Variants in SPARCL1 observed in about 807,000 individuals in gnomAD.
SPARCL1 encodes the protein SPARC like 1, also known as SPARC-like protein 1.
Under a neutral mutation model 67.1 loss-of-function variants are expected in SPARCL1, and 52 were observed. The observed-to-expected ratio is 0.78, with a 90% confidence interval of 0.62 to 0.98. SPARCL1 has a LOEUF of 0.98. SPARCL1 is among the 50% of genes least tolerant of loss of function. The probability of loss-of-function intolerance (pLI) is 0.00; values close to 1 mark genes in which losing one functional copy is unlikely to be tolerated. For missense variants in SPARCL1, 717 were observed against 782.4 expected (o/e 0.92, Z 1.00); for synonymous variants, 226 against 267.8 (o/e 0.84, Z 1.52).
chr4:87,477,786 T>C (rs975646935), intron 10 of SPARCL1, among the ~76,000 whole-genome samples: 8 of 152,194 alleles, frequency 5.3e-5, no homozygotes, highest in Admixed American at 1.3e-4. Flanking sequence ...TCCAGGTTAG[T>C]TACTGTGAGA....
intron 3 of SPARCL1, 144 bp downstream of exon 3, chr4:87,494,837 G>T: frequency 1.3e-6 from 1 of 778,054 alleles, no homozygotes; most frequent in Non-Finnish European, 2.0e-6. Context: ...CATTCTTCTA[G>T]TGATTGGAGG....
chr4:87,490,483 C>G, intron 6 of SPARCL1, 90 bp from the exon 7 acceptor site: 1 of 1,429,350 alleles, frequency 7.0e-7, no homozygotes, highest in Non-Finnish European at 9.4e-7. Context: ...CTGATAACAG[C>G]GCTGTGCCAA....
At chr4:87,499,026 C>T (rs1724737298) in intron 2 of SPARCL1, among the ~76,000 whole-genome samples, 1 of 152,146 alleles carries the variant, frequency 6.6e-6, no homozygotes, top group East Asian at 1.9e-4. Context: ...AGGTGCCCGC[C>T]ACCATGCCCG....
intron 2 of SPARCL1, among the ~76,000 whole-genome samples, chr4:87,498,067 C>G (rs1362794407): frequency 6.6e-6 from 1 of 152,134 alleles, no homozygotes; most frequent in Admixed American, 6.6e-5. Flanking sequence ...CCCAAAGACA[C>G]TTTTTAATGT....
chr4:87,511,432 T>C lies in SPARCL1; in HGVS notation c.-11-11847A>G, dbSNP rs1408665866. 3.3e-5 allele frequency among the ~76,000 whole-genome samples: 5 copies of C among 152,122 alleles called. No individual in the cohort carries two copies. The East Asian group carries it at 7.7e-4, about 23-fold the overall frequency. ...GGCTTGTTGAATTTGAGTAGAGATA[T>C]CTAGTAGATACTTGGGTAGATAGGT... On this transcript the variant is annotated intron_variant, in intron 1 of 10. Transcript: ENST00000282470.
chr4:87,480,632 C>G (rs932995814), intron 8 of SPARCL1, 112 bp from the exon 9 acceptor site: 1 of 944,164 alleles, frequency 1.1e-6, no homozygotes, highest in African/African-American at 1.7e-5. Context: ...GGAAAACAAG[C>G]TCAGGACATC....
rs1413098751 is a variant in SPARCL1 at position 87,473,663 on chromosome 4, A to T, written c.*112T>A. ...GCAATTACTCTCATTGTCTTGTCAT[A>T]CATGCTAACATTTTGCTAAATATAA... On this transcript the variant is annotated 3_prime_UTR_variant, in exon 11 of 11. Coordinates refer to ENST00000282470, the MANE Select transcript of SPARCL1 (RefSeq NM_004684.6). 1.4e-5 allele frequency: 10 copies of T among 711,988 alleles called. No individual in the cohort carries two copies. Among genetic ancestry groups the T allele is most frequent in the Non-Finnish European group, 2.4e-5 (10 of 424,298 alleles). The allele number at this position is 711,988 out of a possible 1,614,324, so 44.1% of individuals were successfully genotyped here.
intron 1 of SPARCL1, among the ~76,000 whole-genome samples, chr4:87,512,146 T>C (rs762697464): frequency 1.3e-5 from 2 of 151,952 alleles, no homozygotes; most frequent in Admixed American, 6.6e-5. Flanking sequence ...TTTGTATTTT[T>C]AGTAGAGATG....
chr4:87,512,524 A>G (rs749290984), intron 1 of SPARCL1, among the ~76,000 whole-genome samples: 12 of 152,216 alleles, frequency 7.9e-5, no homozygotes, highest in Middle Eastern at 3.4e-3. Flanking sequence ...GCTATCAGCC[A>G]TGCTGTACAA....
intron 1 of SPARCL1, among the ~76,000 whole-genome samples, chr4:87,519,428 T>C (rs1725715303): frequency 6.6e-6 from 1 of 152,210 alleles, no homozygotes; most frequent in Admixed American, 6.5e-5. Flanking sequence ...TCAAATAATG[T>C]AAAAATGCTT....
intron 1 of SPARCL1, among the ~76,000 whole-genome samples, chr4:87,515,112 T>C (rs374782784): frequency 5.9e-5 from 9 of 152,344 alleles, no homozygotes; most frequent in African/African-American, 2.2e-4. Flanking sequence ...ATATGCAGTA[T>C]TGATGTGAAA....
intron 1 of SPARCL1, among the ~76,000 whole-genome samples, chr4:87,509,654 G>A (rs77662423): frequency 6.6e-6 from 1 of 152,188 alleles, no homozygotes; most frequent in African/African-American, 2.4e-5. Context: ...GGGGAAGTGG[G>A]CTGGGGTAGA....
At chr4:87,517,657 C>G (rs1725638031) in intron 1 of SPARCL1, among the ~76,000 whole-genome samples, 1 of 152,168 alleles carries the variant, frequency 6.6e-6, no homozygotes, top group African/African-American at 2.4e-5. Flanking sequence ...ATTAGTTAAA[C>G]TCTACCAGTA....
intron 2 of SPARCL1, among the ~76,000 whole-genome samples, chr4:87,498,755 C>T (rs1024129396): frequency 6.6e-6 from 1 of 152,176 alleles, no homozygotes; most frequent in African/African-American, 2.4e-5. Flanking sequence ...TTTATGATTA[C>T]CATATCGTTT....
intron 1 of SPARCL1, among the ~76,000 whole-genome samples, chr4:87,503,400 G>C (rs1243425314): frequency 2.0e-5 from 3 of 152,112 alleles, no homozygotes; most frequent in Non-Finnish European, 4.4e-5. Context: ...ATCTTCTAAA[G>C]ATGTGTTGAC....
intron 1 of SPARCL1, among the ~76,000 whole-genome samples, chr4:87,508,889 G>GTATATATATATATATATATATATATATA (rs142792848): frequency 7.2e-6 from 1 of 138,360 alleles, no homozygotes; most frequent in African/African-American, 2.7e-5. Context: ...ATGTATATAA[G>GTATATATATATATATATATATATATATA]TATATATATA....
chr4:87,496,859 C>T (rs1578103972), intron 2 of SPARCL1, among the ~76,000 whole-genome samples: 1 of 152,068 alleles, frequency 6.6e-6, no homozygotes, highest in East Asian at 1.9e-4. Context: ...TCATGGAGTA[C>T]AGGATTTATT....
chr4:87,489,446 T>G (rs1331602029), intron 7 of SPARCL1, among the ~76,000 whole-genome samples: 1 of 152,170 alleles, frequency 6.6e-6, no homozygotes, highest in African/African-American at 2.4e-5. Flanking sequence ...CCCAATGAGC[T>G]GGGTACCTCA....
chr4:87,520,512 T>C (rs1725768094), intron 1 of SPARCL1, among the ~76,000 whole-genome samples: 1 of 152,148 alleles, frequency 6.6e-6, no homozygotes, highest in Non-Finnish European at 1.5e-5. Context: ...GGGTAGAAGA[T>C]TATGACTTTT....
Sources: allele counts gnomAD v4.1 joint callset (sites outside exome capture counted in the v4.1 genomes callset), GRCh38; gene constraint gnomAD v4.1.1; transcripts MANE v1.5; gene names NCBI Gene and HGNC (gene_info 2026-07-23, HGNC 2026-07-21).